Variants in CERS4 observed in about 807,000 individuals in gnomAD.
CERS4 encodes ceramide synthase 4.
In CERS4, 65 loss-of-function variants were observed where a neutral mutation model predicts 51.8. The ratio of observed to expected loss-of-function variants is 1.26; its 90% CI spans 1.03 to 1.54. The LOEUF is 1.54. CERS4 is among the 40% of genes most tolerant of loss of function. The pLI is 0.00. For synonymous variants in CERS4, 228 were observed against 208.4 expected (o/e 1.09, Z -0.81); for missense variants, 563 against 500.4 (o/e 1.13, Z -1.19).
intron 2 of CERS4, among the ~76,000 whole-genome samples, chr19:8,245,005 G>T (rs139073770): frequency 6.6e-6 from 1 of 151,180 alleles, no homozygotes; most frequent in East Asian, 2.0e-4. Context: ...TTAGCCGGGC[G>T]TAGTGGCGGG....
intron 9 of CERS4, 52 bp from the exon 10 acceptor site, chr19:8,257,827 T>G: frequency 1.4e-6 from 2 of 1,441,572 alleles, no homozygotes; most frequent in South Asian, 1.1e-5. Context: ...CACCTTCTCT[T>G]TGAGACCAGG....
At chr19:8,249,495 C>T (rs1428548738) in intron 2 of CERS4, among the ~76,000 whole-genome samples, 1 of 151,262 alleles carries the variant, frequency 6.6e-6, no homozygotes, top group Non-Finnish European at 1.5e-5. Flanking sequence ...TACCCTCTTG[C>T]TTTGTGGGCT....
chr19:8,235,590 T>C (rs997720833), intron 2 of CERS4, among the ~76,000 whole-genome samples: 12 of 150,678 alleles, frequency 8.0e-5, no homozygotes, highest in African/African-American at 2.9e-4. Context: ...AAATAAAAAA[T>C]ACAACTTCTA....
chr19:8,255,959 T>A, intron 6 of CERS4, 80 bp downstream of exon 6: 1 of 1,465,164 alleles, frequency 6.8e-7, no homozygotes, highest in East Asian at 2.3e-5. Flanking sequence ...GGGTGTGGAG[T>A]GGTGCAGCCA....
At chr19:8,257,309 C>A (rs554424126) in intron 9 of CERS4, 25 of 536,410 alleles carry the variant, frequency 4.7e-5, no homozygotes, top group Middle Eastern at 4.9e-4. Context: ...TGGGCAGAGG[C>A]CCCCGCCTTC....
rs1235281739 is a variant in CERS4 at position 8,261,776 on chromosome 19, C to A, written c.937C>A (p.Gln313Lys). The A allele has an allele frequency of 6.2e-7, 1 of 1,614,206 alleles. No homozygotes were observed. Among genetic ancestry groups the A allele is most frequent in the Admixed American group, 1.7e-5 (1 of 60,022 alleles). The change falls in exon 11 of 12, where the codon CAG becomes AAG. Residue 313 changes from glutamine (Q) to lysine (K), a missense_variant. Coordinates refer to ENST00000251363, the MANE Select transcript of CERS4 (RefSeq NM_024552.3). ...YFFNGLLMLL[Q>K]LLHVFWSCLI... The stretch of plus-strand genomic sequence containing the variant: ...CTTCAACGGGCTTCTGATGTTGCTG[C>A]AGCTGCTGCACGTGTTCTGGTCTTG...
intron 2 of CERS4, chr19:8,250,796 C>G (rs1331900979): frequency 1.7e-6 from 2 of 1,172,496 alleles, no homozygotes; most frequent in African/African-American, 3.2e-5. Flanking sequence ...TCAGAGAGGT[C>G]AAGTCATTTG....
chr19:8,229,782 C>T (rs1368765616), intron 2 of CERS4, among the ~76,000 whole-genome samples: 2 of 152,180 alleles, frequency 1.3e-5, no homozygotes, highest in African/African-American at 2.4e-5. Flanking sequence ...TCAGGACTCA[C>T]TATAGCCTCA....
At chr19:8,243,680 G>A (rs1306073406) in intron 2 of CERS4, among the ~76,000 whole-genome samples, 1 of 146,900 alleles carries the variant, frequency 6.8e-6, no homozygotes, top group Admixed American at 6.9e-5. Flanking sequence ...ACAGGGTCTT[G>A]TTGACCCCTT....
rs1288079207 is a variant in CERS4 at position 8,214,730 on chromosome 19, T to C, written c.-2+3868T>C. Among the ~76,000 whole-genome samples, 4 of 151,962 alleles carry C rather than the reference T, an allele frequency of 2.6e-5. No individual in the cohort carries two copies. The East Asian group carries it at 7.8e-4, about 29-fold the overall frequency. On this transcript the variant is annotated intron_variant, in intron 2 of 11. Coordinates refer to ENST00000251363, the MANE Select transcript of CERS4 (RefSeq NM_024552.3). ...TCACCTGTGCTGGGGTGCTCGAACCTTGAAGGCTGAGGAAGCTGGCAGGAG... is the reference window on the plus strand; with the variant it reads ...TCACCTGTGCTGGGGTGCTCGAACCCTGAAGGCTGAGGAAGCTGGCAGGAG...
At chr19:8,248,252 A>C (rs1232545187) in intron 2 of CERS4, among the ~76,000 whole-genome samples, 5 of 152,196 alleles carry the variant, frequency 3.3e-5, no homozygotes, top group Admixed American at 6.6e-5. Context: ...TGTGTCGCCA[A>C]GGCCCAGCCC....
intron 2 of CERS4, among the ~76,000 whole-genome samples, chr19:8,234,081 C>T (rs1434606979): frequency 3.3e-5 from 5 of 151,592 alleles, no homozygotes; most frequent in African/African-American, 7.3e-5. Flanking sequence ...CCGAGGCGGG[C>T]GGATCACGAG....
chr19:8,228,562 C>G (rs1354376478), intron 2 of CERS4, among the ~76,000 whole-genome samples: 1 of 152,028 alleles, frequency 6.6e-6, no homozygotes, highest in Non-Finnish European at 1.5e-5. Flanking sequence ...GTAATCCCAG[C>G]TACGCAGCAG....
At chr19:8,224,500 G>A (rs1250172691) in intron 2 of CERS4, among the ~76,000 whole-genome samples, 2 of 152,106 alleles carry the variant, frequency 1.3e-5, no homozygotes, top group African/African-American at 2.4e-5. Flanking sequence ...CCAGCCCAGC[G>A]GCGATTGGTC....
chr19:8,262,262 T>G lies in CERS4; in HGVS notation c.*153T>G. On this transcript the variant is annotated 3_prime_UTR_variant, in exon 12 of 12. Coordinates refer to ENST00000251363, the MANE Select transcript of CERS4 (RefSeq NM_024552.3). The stretch of plus-strand genomic sequence containing the variant: ...GGCTGATGATCTGTCTCCAGCCCCT[T>G]CCTTCTGCCCACCCACCCTTCTTCC... 1 of 754,536 alleles carries G rather than the reference T, an allele frequency of 1.3e-6. No homozygotes were observed. Among genetic ancestry groups the G allele is most frequent in the Non-Finnish European group, 1.9e-6 (1 of 526,564 alleles). 46.7% of individuals were successfully genotyped at this position (754,536 alleles called of 1,614,324 possible).
rs1376003798 is a variant in CERS4 at position 8,255,736 on chromosome 19, G to A, written c.410+11G>A. On this transcript the variant is annotated intron_variant, in intron 5 of 11. Coordinates refer to ENST00000251363, the MANE Select transcript of CERS4 (RefSeq NM_024552.3). ...GTTCTGTGAGGCCAGGTAAGCCCAG[G>A]ATGGGGCTTCTGGGGTGCAGGGAAG... The A allele has an allele frequency of 6.8e-7, 1 of 1,465,338 alleles. No homozygotes were observed. The highest frequency in any genetic ancestry group is 9.2e-7 in the Non-Finnish European group (1 of 1,083,194). 90.8% of individuals were successfully genotyped at this position (1,465,338 alleles called of 1,614,324 possible).
At chr19:8,235,248 C>T (rs1253106323) in intron 2 of CERS4, among the ~76,000 whole-genome samples, 1 of 151,508 alleles carries the variant, frequency 6.6e-6, no homozygotes, top group African/African-American at 2.4e-5. Context: ...ACCTCGTGAT[C>T]TGCCCCCCTC....
chr19:8,231,851 A>ATTTTTTTTGTTTTTT (rs1968019741), intron 2 of CERS4, among the ~76,000 whole-genome samples: 1 of 104,424 alleles, frequency 9.6e-6, no homozygotes, highest in African/African-American at 4.2e-5. Flanking sequence ...TGTGCCCAGC[A>ATTTTTTTTGTTTTTT]TTTTTTTTTT....
At chr19:8,258,237 CAA>C (rs1901432010) in intron 10 of CERS4, among the ~76,000 whole-genome samples, 1 of 152,240 alleles carries the variant, frequency 6.6e-6, no homozygotes, top group Non-Finnish European at 1.5e-5. Context: ...GCCAGCGCAC[CAA>C]AGTCTGCCCA....
Sources: allele counts gnomAD v4.1 joint callset (sites outside exome capture counted in the v4.1 genomes callset), GRCh38; gene constraint gnomAD v4.1.1; transcripts MANE v1.5; gene names NCBI Gene and HGNC (gene_info 2026-07-23, HGNC 2026-07-21).